The following BAG1 variants were observed in gnomAD, a reference collection of about 807,000 sequenced individuals.
The protein encoded by BAG1 is BAG family molecular chaperone regulator 1.
A neutral mutation model predicts 35.5 loss-of-function variants in BAG1; 35 were observed. The ratio of observed to expected loss-of-function variants is 0.99; its 90% CI spans 0.75 to 1.31. BAG1 has a LOEUF of 1.31. Among genes scored for constraint, BAG1 ranks in the 50% most tolerant of loss-of-function variants. BAG1 has a pLI of 0.00. For synonymous variants in BAG1, 191 were observed against 178.9 expected, an observed-to-expected ratio of 1.07 and a Z score of -0.54; for missense variants, 464 against 453.6, an observed-to-expected ratio of 1.02 and a Z score of -0.21.
At position 33,264,209 on chromosome 9, in the gene BAG1, GCGCCCGACACT is replaced by G; in HGVS notation, c.451+4_451+14del. ...TCGGGACCTGCATGGAGCCCACCTG[GCGCCCGACACT>G]CACTGTGGGTGACAGTCACGGTGAG... On this transcript the variant is annotated splice_donor_5th_base_variant and intron_variant, in intron 1 of 6. Transcript: ENST00000634734. The G allele has an allele frequency of 6.3e-7, 1 of 1,586,830 alleles. No homozygotes were observed. Among genetic ancestry groups the G allele is most frequent in the Non-Finnish European group, 8.6e-7 (1 of 1,168,482 alleles).
intron 1 of BAG1, 113 bp downstream of exon 1, chr9:33,264,111 G>T: frequency 2.3e-6 from 3 of 1,285,968 alleles, no homozygotes; most frequent in Non-Finnish European, 3.2e-6. Context: ...CCACGCTTCC[G>T]GACGCCAGGA....
At chr9:33,256,445 C>T (rs1820454710) in intron 5 of BAG1, among the ~76,000 whole-genome samples, 1 of 152,224 alleles carries the variant, frequency 6.6e-6, no homozygotes, top group Admixed American at 6.5e-5. Flanking sequence ...ATGAGCCCTG[C>T]AGAATTATCA....
intron 1 of BAG1, 61 bp from the exon 2 acceptor site, chr9:33,262,891 A>T (rs1820608006): frequency 1.3e-6 from 2 of 1,584,832 alleles, no homozygotes; most frequent in African/African-American, 2.7e-5. Flanking sequence ...ATATAGGATG[A>T]CACTTTATCA....
rs1264418465 is a variant in BAG1, at chr9:33,264,210, C to T, written c.451+14G>A. The stretch of plus-strand genomic sequence containing the variant: ...CGGGACCTGCATGGAGCCCACCTGG[C>T]GCCCGACACTCACTGTGGGTGACAG... On this transcript the variant is annotated intron_variant, in intron 1 of 6. Coordinates refer to ENST00000634734, the MANE Select transcript of BAG1 (RefSeq NM_004323.6). The T allele has an allele frequency of 3.8e-6, 6 of 1,587,506 alleles. No individual in the cohort carries two copies. The highest frequency in any genetic ancestry group is 3.3e-4 in the Middle Eastern group (2 of 6,060).
Position 33,256,784 on chromosome 9 carries a change from G to A in BAG1, c.885+17C>T. On this transcript the variant is annotated intron_variant, in intron 5 of 6. Transcript: ENST00000634734. ...AGTCAAAGAAAACTAGTTCTTCTCA[G>A]CTGAATATTTACTTACCAGTGTGTC... 1 of 1,592,782 alleles carries A rather than the reference G, an allele frequency of 6.3e-7. No homozygotes were observed. The highest frequency in any genetic ancestry group is 8.6e-7 in the Non-Finnish European group (1 of 1,161,464).
Position 33,255,233 on chromosome 9 carries a change from C to T in BAG1, c.1024G>A (p.Ala342Thr), listed in dbSNP as rs1425577346. 1 of 1,614,192 alleles carries T rather than the reference C, an allele frequency of 6.2e-7. No homozygotes were observed. The highest frequency in any genetic ancestry group is 2.2e-5 in the East Asian group (1 of 44,886). The change falls in exon 7 of 7, where the codon GCC becomes ACC. Residue 342 changes from alanine (A) to threonine (T), a missense_variant. Physicochemically the swap from Ala to Thr is moderately conservative, Grantham distance 58 (BLOSUM62 0). Coordinates refer to ENST00000634734, the MANE Select transcript of BAG1 (RefSeq NM_004323.6). ...TCTGCTACACCTCACTCGGCCAGGG[C>T]AAAGTTTGTAGACTGCAGCCGCTCA...
rs779450407 is a variant in BAG1 at position 33,261,117 on chromosome 9, A to T, written c.633T>A (p.Asp211Glu). The change falls in exon 3 of 7, where the codon GAT becomes GAA. Residue 211 changes from aspartate (D) to glutamate (E), a missense_variant. By Grantham distance (45) the Asp-to-Glu change is conservative. Transcript: ENST00000634734. The stretch of plus-strand genomic sequence containing the variant: ...TCCCAATTAACATGACCCGGCAACC[A>T]TCTTGTATTCCAAGTGCTGACAACG... The T allele has an allele frequency of 1.9e-6, 3 of 1,610,596 alleles. No individual in the cohort carries two copies. The African/African-American group carries it at 4.0e-5, about 21-fold the overall frequency.
chr9:33,260,862 C>A (rs966181377), intron 3 of BAG1, among the ~76,000 whole-genome samples: 1 of 152,218 alleles, frequency 6.6e-6, no homozygotes, highest in African/African-American at 2.4e-5. Context: ...TAAGGCAGCA[C>A]AACCGCTCCT....
chr9:33,264,476 C>G lies in BAG1; in HGVS notation c.199G>C (p.Ala67Pro), dbSNP rs754484490. ...TTCTTCTTCATCCGCGGCCTGCGAG[C>G]GCCGGCGGCGGCGCCCCTGGTGGGT... is the stretch of plus-strand genomic sequence containing the variant. Residue 67 changes from alanine (A) to proline (P), a missense_variant, in exon 1 of 7, where the codon GCT (alanine) becomes CCT (proline). Physicochemically the swap from Ala to Pro is conservative, Grantham distance 27. Coordinates refer to ENST00000634734, the MANE Select transcript of BAG1 (RefSeq NM_004323.6). The G allele has an allele frequency of 7.4e-6, 12 of 1,611,872 alleles. No homozygotes were observed. The highest frequency in any genetic ancestry group is 2.2e-5 in the East Asian group (1 of 44,864).
intron 3 of BAG1, chr9:33,259,799 T>G (rs1820531084): frequency 6.6e-6 from 1 of 152,252 alleles, no homozygotes; most frequent in African/African-American, 2.4e-5. Context: ...AATGTGATGC[T>G]GGTTAACAAC....
At position 33,262,700 on chromosome 9, in the gene BAG1, A is replaced by T; in HGVS notation, c.580+2T>A. ...AAGAAAGAAAGAAAAAGAAATGCTTACCCTTAAATATGAGTTTCTGAAAAG... is the reference window on the plus strand; with the variant it reads ...AAGAAAGAAAGAAAAAGAAATGCTTTCCCTTAAATATGAGTTTCTGAAAAG... On this transcript the variant is annotated splice_donor_variant, in intron 2 of 6. Transcript: ENST00000634734. LOFTEE classifies it high-confidence loss of function. 1 of 1,578,080 alleles carries T rather than the reference A, an allele frequency of 6.3e-7. No individual in the cohort carries two copies. The highest frequency in any genetic ancestry group is 8.5e-7 in the Non-Finnish European group (1 of 1,169,750).
chr9:33,254,417 C>A lies in BAG1; in HGVS notation c.*802G>T, dbSNP rs924367541. On this transcript the variant is annotated 3_prime_UTR_variant, in exon 7 of 7. Coordinates refer to ENST00000634734, the MANE Select transcript of BAG1 (RefSeq NM_004323.6). ...ATGCCTTTGAAGGAAGCACATGTCA[C>A]TCCTGAGAAGTTTATGGTTGGCTTC... is the stretch of plus-strand genomic sequence containing the variant. The A allele has an allele frequency of 5.2e-5, 8 of 152,498 alleles. No homozygotes were observed. Among genetic ancestry groups the A allele is most frequent in the African/African-American group, 1.9e-4 (8 of 41,470 alleles). The allele number at this position is 152,498 out of a possible 1,614,324, so 9.4% of individuals were successfully genotyped here.
At chr9:33,261,576 G>GT (rs1820571793) in intron 2 of BAG1, among the ~76,000 whole-genome samples, 1 of 152,050 alleles carries the variant, frequency 6.6e-6, no homozygotes, top group African/African-American at 2.4e-5. Flanking sequence ...ATTATGAGGG[G>GT]TTTTATCCAG....
chr9:33,263,793 C>G lies in BAG1; in HGVS notation c.451+431G>C, dbSNP rs575564504. 3.5e-4 allele frequency among the ~76,000 whole-genome samples: 54 copies of G among 152,240 alleles called. 2 individuals are homozygous for G. The East Asian group carries it at 7.5e-3, about 21-fold the overall frequency. On this transcript the variant is annotated intron_variant, in intron 1 of 6. Transcript: ENST00000634734. ...GGTGCCCAGAGTACAACGCTTGGAC[C>G]CACGGCCAACTCAAGCGGCGCACAC...
chr9:33,262,893 A>C, intron 1 of BAG1, 63 bp from the exon 2 acceptor site: 2 of 1,585,432 alleles, frequency 1.3e-6, no homozygotes, highest in Non-Finnish European at 8.6e-7. Flanking sequence ...ATAGGATGAC[A>C]CTTTATCACA....
At position 33,253,893 on chromosome 9, in the gene BAG1, A is replaced by C. The variant is rs1202050155; in HGVS notation, c.*1326T>G. 1 of 151,826 alleles carries C rather than the reference A, an allele frequency of 6.6e-6. No homozygotes were observed. Among genetic ancestry groups the C allele is most frequent in the Non-Finnish European group, 1.5e-5 (1 of 68,024 alleles). The allele number at this position is 151,826 out of a possible 1,614,324, so 9.4% of individuals were successfully genotyped here. ...GGGGTCTTGCTATGTTGCCCAGACT[A>C]GACTCAAACTCCTGGGCTCAAGTGA... On this transcript the variant is annotated 3_prime_UTR_variant, in exon 7 of 7. Coordinates refer to ENST00000634734, the MANE Select transcript of BAG1 (RefSeq NM_004323.6).
intron 2 of BAG1, 71 bp from the exon 3 acceptor site, chr9:33,261,240 C>A (rs1397161315): frequency 5.9e-6 from 7 of 1,185,424 alleles, no homozygotes; most frequent in Admixed American, 2.0e-5. Flanking sequence ...CAGCAGGATA[C>A]AGGAAATAGA....
In BAG1 at chr9:33,264,455, T is replaced by C; in HGVS notation, c.220A>G (p.Lys74Glu). Residue 74 changes from lysine (K) to glutamate (E), a missense_variant, in exon 1 of 7, where the codon AAG becomes GAG. Coordinates refer to ENST00000634734, the MANE Select transcript of BAG1 (RefSeq NM_004323.6). ...CGGGTCGAGCGGCGCCGGGTTTTCT[T>C]CTTCATCCGCGGCCTGCGAGCGCCG... 1 of 1,613,710 alleles carries C rather than the reference T, an allele frequency of 6.2e-7. No individual in the cohort carries two copies. Among genetic ancestry groups the C allele is most frequent in the Non-Finnish European group, 8.5e-7 (1 of 1,179,810 alleles).
rs1239885885 is a variant in BAG1 at position 33,262,688 on chromosome 9, A to G, written c.580+14T>C. On this transcript the variant is annotated intron_variant, in intron 2 of 6. Coordinates refer to ENST00000634734, the MANE Select transcript of BAG1 (RefSeq NM_004323.6). The stretch of plus-strand genomic sequence containing the variant: ...AAAAAAAAGAAAAAGAAAGAAAGAA[A>G]AAGAAATGCTTACCCTTAAATATGA... 2 of 1,570,942 alleles carry G rather than the reference A, an allele frequency of 1.3e-6. No homozygotes were observed. Among genetic ancestry groups the G allele is most frequent in the African/African-American group, 1.4e-5 (1 of 71,996 alleles).
Sources: gnomAD v4.1 joint callset for allele counts (sites outside exome capture counted in the v4.1 genomes callset) on GRCh38, gnomAD v4.1.1 for gene constraint, MANE v1.5 for transcripts, NCBI Gene and HGNC (gene_info 2026-07-23, HGNC 2026-07-21) for gene names.